FOLH1: variants seen among roughly 807,000 people sequenced by gnomAD.
FOLH1 encodes folate hydrolase 1.
In FOLH1, 54 loss-of-function variants were observed where a neutral mutation model predicts 93.9. The observed-to-expected ratio is 0.57, with a 90% CI of 0.46 to 0.72. The LOEUF (loss-of-function observed/expected upper bound fraction) is 0.72. FOLH1 is among the 30% of genes least tolerant of loss of function. FOLH1 has a pLI of 0.00. For missense variants in FOLH1, 571 were observed against 892.5 expected (o/e 0.64, Z 4.59); for synonymous variants, 249 against 303.6 (o/e 0.82, Z 1.87).
rs891825443 is a variant in FOLH1, at chr11:49,171,358, A to G, written c.1226-81T>C. The G allele has an allele frequency of 1.0e-5, 15 of 1,444,448 alleles. No individual in the cohort carries two copies. In the African/African-American group the frequency reaches 1.8e-4, roughly 17 times the overall value. The allele number at this position is 1,444,448 out of a possible 1,614,324, so 89.5% of individuals were successfully genotyped here. A position where few individuals can be genotyped will look rare whatever the true frequency, so the allele number is the denominator to read the frequency against. ...ACACTACCAAGCCCAGATTGGAAAAAAAAAAAAAAAAGTCATTGATGGTTT... is the reference window on the plus strand; with the variant it reads ...ACACTACCAAGCCCAGATTGGAAAAGAAAAAAAAAAAGTCATTGATGGTTT... On this transcript the variant is annotated intron_variant, in intron 10 of 18. Transcript: ENST00000256999.
chr11:49,158,153 G>C, intron 13 of FOLH1, 110 bp from the exon 14 acceptor site: 1 of 883,852 alleles, frequency 1.1e-6, no homozygotes, highest in East Asian at 2.8e-5. Context: ...CAAAAACAAG[G>C]GATGCTATCC....
At chr11:49,178,379 C>A (rs1860348935) in intron 7 of FOLH1, among the ~76,000 whole-genome samples, 1 of 152,162 alleles carries the variant, frequency 6.6e-6, no homozygotes, top group African/African-American at 2.4e-5. Flanking sequence ...TACTATAAAT[C>A]CTTTTGAATT....
chr11:49,206,965 T>C, intron 1 of FOLH1: 1 of 590,900 alleles, frequency 1.7e-6, no homozygotes, highest in Non-Finnish European at 3.0e-6. Flanking sequence ...CCCAACCAGC[T>C]TTCATGGAGC....
chr11:49,173,194 AAAAT>A (rs1018138935), intron 10 of FOLH1, among the ~76,000 whole-genome samples, 159 bp downstream of exon 10: 1 of 152,198 alleles, frequency 6.6e-6, no homozygotes, highest in South Asian at 2.1e-4. Flanking sequence ...AATAAATGCA[AAAAT>A]AAATAAACAA....
rs1855761844 is a variant in FOLH1, at chr11:49,146,056, A to G, written c.*700T>C. On this transcript the variant is annotated 3_prime_UTR_variant, in exon 19 of 19. Coordinates refer to ENST00000256999, the MANE Select transcript of FOLH1 (RefSeq NM_004476.3). ...ACAGCCATGTGTGATAAAATTATAA[A>G]TAATGACAGAGGAAAGATAAATAAA... Among the ~76,000 whole-genome samples, 1 of 152,214 alleles carries G rather than the reference A, an allele frequency of 6.6e-6. No homozygotes were observed. Among genetic ancestry groups the G allele is most frequent in the African/African-American group, 2.4e-5 (1 of 41,460 alleles).
intron 2 of FOLH1, among the ~76,000 whole-genome samples, chr11:49,203,592 G>A (rs2135334596): frequency 6.6e-6 from 1 of 152,314 alleles, no homozygotes; most frequent in South Asian, 2.1e-4. Context: ...TTGGAGGAAT[G>A]AGAGGGAATT....
intron 2 of FOLH1, among the ~76,000 whole-genome samples, chr11:49,204,794 A>G (rs1242193185): frequency 6.6e-6 from 1 of 152,198 alleles, no homozygotes; most frequent in Non-Finnish European, 1.5e-5. Context: ...CTTTTAATTT[A>G]GAATTACAAC....
chr11:49,199,059 C>CTGG (rs1862996308), intron 3 of FOLH1, among the ~76,000 whole-genome samples: 1 of 151,976 alleles, frequency 6.6e-6, no homozygotes, highest in Non-Finnish European at 1.5e-5. Flanking sequence ...TAAGAAGAGA[C>CTGG]TGATTCATTA....
At chr11:49,164,462 T>C (rs1012669017) in intron 13 of FOLH1, among the ~76,000 whole-genome samples, 4 of 152,200 alleles carry the variant, frequency 2.6e-5, no homozygotes, top group Non-Finnish European at 4.4e-5. Flanking sequence ...AGTTTCACTG[T>C]TTTAAGAATG....
chr11:49,158,839 A>C (rs1857312148), intron 13 of FOLH1, among the ~76,000 whole-genome samples: 1 of 151,948 alleles, frequency 6.6e-6, no homozygotes, highest in Admixed American at 6.6e-5. Context: ...CCTTGTAGAG[A>C]TCTTTCACCT....
At chr11:49,173,770 C>A (rs1257659426) in intron 9 of FOLH1, among the ~76,000 whole-genome samples, 1 of 3,442 alleles carries the variant, frequency 2.9e-4, no homozygotes, top group Non-Finnish European at 1.9e-3. Context: ...TTTTTTGTAA[C>A]TCTATTACTT....
intron 17 of FOLH1, among the ~76,000 whole-genome samples, chr11:49,153,119 A>G (rs1856653670): frequency 6.6e-6 from 1 of 152,140 alleles, no homozygotes; most frequent in East Asian, 1.9e-4. Flanking sequence ...TATATTTAAT[A>G]CACAGATCTC....
chr11:49,195,398 G>A (rs1443073313), intron 3 of FOLH1, among the ~76,000 whole-genome samples: 3 of 152,100 alleles, frequency 2.0e-5, no homozygotes, highest in Admixed American at 1.3e-4. Flanking sequence ...TTTGTGAGAT[G>A]TAGTTGAAGT....
rs1281611261 is a variant in FOLH1 at position 49,154,367 on chromosome 11, C to T, written c.1749G>A (p.Met583Ile). The change falls in exon 16 of 19, where the codon ATG (methionine) becomes ATA (isoleucine). Residue 583 changes from methionine (M) to isoleucine (I), a missense_variant. By Grantham distance (10) the Met-to-Ile change is conservative. This residue lies in a region of FOLH1 where 500 missense variants were observed against 822.9 expected (regional missense o/e 0.61). Transcript: ENST00000256999. ...CTATGGAATTGGCTAGCTCAAACAC[C>T]ATCCCTCCTCGAACCTGGGCCACAG... ...HLTVAQVRGG[M>I]VFELANSIVL... The T allele has an allele frequency of 6.2e-6, 10 of 1,613,316 alleles. No homozygotes were observed. The highest frequency in any genetic ancestry group is 8.5e-6 in the Non-Finnish European group (10 of 1,179,574).
intron 10 of FOLH1, 95 bp downstream of exon 10, chr11:49,173,262 G>A (rs1192313091): frequency 2.4e-6 from 3 of 1,261,292 alleles, no homozygotes; most frequent in Admixed American, 2.8e-5. Context: ...CCAAACACAT[G>A]TAATGGTTGA....
rs58768462 is a variant in FOLH1, at chr11:49,151,429, G to GAC, written c.1970+2415_1970+2416dup. Among the ~76,000 whole-genome samples, 1,466 of 151,496 alleles carry GAC rather than the reference G, an allele frequency of 9.7e-3. 14 individuals are homozygous for GAC. Among genetic ancestry groups the GAC allele is most frequent in the African/African-American group, 0.022 (931 of 41,414 alleles). ...GCGCGTGCGTGCACACACACACACA[G>GAC]ACACACACACACACACTTCTCTTTC... On this transcript the variant is annotated intron_variant, in intron 17 of 18. Transcript: ENST00000256999.
chr11:49,199,584 T>C (rs907835005), intron 3 of FOLH1, among the ~76,000 whole-genome samples: 1 of 152,098 alleles, frequency 6.6e-6, no homozygotes, highest in Non-Finnish European at 1.5e-5. Flanking sequence ...ACTCCAAATC[T>C]GTGCAGTGTC....
chr11:49,178,801 C>G (rs1220635488), intron 7 of FOLH1, among the ~76,000 whole-genome samples: 1 of 152,116 alleles, frequency 6.6e-6, no homozygotes, highest in Non-Finnish European at 1.5e-5. Context: ...TGGTAGATGT[C>G]CAGTAATTAA....
intron 12 of FOLH1, among the ~76,000 whole-genome samples, chr11:49,167,764 A>G (rs911991885): frequency 1.3e-5 from 2 of 152,072 alleles, no homozygotes; most frequent in African/African-American, 4.8e-5. Context: ...GTGAGCCATG[A>G]TCGCTCCACG....
Sources: gnomAD v4.1 joint callset for allele counts (sites outside exome capture counted in the v4.1 genomes callset) on GRCh38, gnomAD v4.1.1 for gene constraint, gnomAD v4.1.1 regional missense constraint, MANE v1.5 for transcripts, NCBI Gene and HGNC (gene_info 2026-07-23, HGNC 2026-07-21) for gene names.